TMEM74: variants seen among roughly 807,000 people sequenced by gnomAD.
The protein encoded by TMEM74 is transmembrane protein 74.
A neutral mutation model predicts 18.1 loss-of-function variants in TMEM74; 13 were observed. The ratio of observed to expected loss-of-function variants is 0.72; its 90% CI spans 0.47 to 1.14. TMEM74 has a LOEUF of 1.14. Among genes scored for constraint, TMEM74 ranks in the 50% most tolerant of loss-of-function variants. TMEM74 has a pLI of 0.00. For missense variants in TMEM74, 372 were observed against 375.9 expected, an observed-to-expected ratio of 0.99 and a Z score of 0.09; for synonymous variants, 159 against 146.6, an observed-to-expected ratio of 1.08 and a Z score of -0.61.
chr8:108,648,827 T>C (rs1297003674), intron 2 of TMEM74, among the ~76,000 whole-genome samples: 1 of 152,162 alleles, frequency 6.6e-6, no homozygotes, highest in Non-Finnish European at 1.5e-5. Flanking sequence ...CTGATCTTTA[T>C]TTAGAACCCT....
At chr8:108,691,952 T>C (rs1384013861) in intron 1 of TMEM74, among the ~76,000 whole-genome samples, 1 of 152,026 alleles carries the variant, frequency 6.6e-6, no homozygotes, top group African/African-American at 2.4e-5. Context: ...GTGGGAGAAA[T>C]AAGAGAGAGG....
intron 1 of TMEM74, among the ~76,000 whole-genome samples, chr8:108,750,641 A>C (rs1813896089): frequency 6.6e-6 from 1 of 152,098 alleles, no homozygotes; most frequent in Admixed American, 6.6e-5. Flanking sequence ...ATACACATTA[A>C]GAGACAAAAT....
rs914806410 is a variant in TMEM74 at position 108,690,298 on chromosome 8, TG to T, written n.120-34862del. On this transcript the variant is annotated intron_variant and non_coding_transcript_variant, in intron 1 of 3. Coordinates refer to the TMEM74 transcript ENST00000518838. ...CAGAATCCAGCTCACATTTTACATA[TG>T]GCTTTAAAAAATTTATCACTAAAGT... is the stretch of plus-strand genomic sequence containing the variant. 1.2e-4 allele frequency among the ~76,000 whole-genome samples: 19 copies of T among 152,176 alleles called. 1 individual carries two copies. The highest frequency in any genetic ancestry group is 4.6e-4 in the African/African-American group (19 of 41,460).
intron 2 of TMEM74, among the ~76,000 whole-genome samples, chr8:108,612,135 T>C (rs993532396): frequency 6.6e-5 from 10 of 152,100 alleles, no homozygotes; most frequent in Non-Finnish European, 1.0e-4. Flanking sequence ...TTGGGGATTA[T>C]GGGAGCTACA....
At chr8:108,693,508 T>A (rs1310293854) in intron 1 of TMEM74, among the ~76,000 whole-genome samples, 1 of 152,082 alleles carries the variant, frequency 6.6e-6, no homozygotes, top group Non-Finnish European at 1.5e-5. Flanking sequence ...AACGGATGAG[T>A]TCAGAAAATT....
At position 108,781,615 on chromosome 8, in the gene TMEM74, G is replaced by A. The variant is rs1312895548; in HGVS notation, c.*2566C>T. Among the ~76,000 whole-genome samples, 1 of 152,146 alleles carries A rather than the reference G, an allele frequency of 6.6e-6. No homozygotes were observed. The highest frequency in any genetic ancestry group is 2.4e-5 in the African/African-American group (1 of 41,424). Reference sequence around the variant, plus strand: ...TGTGTAATGGTTTGCCCTCAGATAAGTAGAACCTTAAAAGAGAGGTGCTCT... The same window carrying A: ...TGTGTAATGGTTTGCCCTCAGATAAATAGAACCTTAAAAGAGAGGTGCTCT... On this transcript the variant is annotated 3_prime_UTR_variant, in exon 2 of 2. Coordinates refer to ENST00000297459, the MANE Select transcript of TMEM74 (RefSeq NM_153015.3).
At chr8:108,648,231 A>G (rs1812740257) in intron 2 of TMEM74, among the ~76,000 whole-genome samples, 1 of 152,184 alleles carries the variant, frequency 6.6e-6, no homozygotes, top group African/African-American at 2.4e-5. Flanking sequence ...TCAAAAGGAC[A>G]TAAGCAAATG....
At chr8:108,747,750 T>A (rs1000111448) in intron 1 of TMEM74, among the ~76,000 whole-genome samples, 1 of 145,668 alleles carries the variant, frequency 6.9e-6, no homozygotes, top group African/African-American at 2.5e-5. Context: ...GTGTCTGTTG[T>A]TTCCCCCCTG....
At chr8:108,749,738 A>C (rs1341273828) in intron 1 of TMEM74, among the ~76,000 whole-genome samples, 2 of 152,084 alleles carry the variant, frequency 1.3e-5, no homozygotes, top group Non-Finnish European at 2.9e-5. Context: ...GGTTTTCAAG[A>C]GGAATGAGAA....
chr8:108,700,085 G>A (rs1360501170), intron 1 of TMEM74, among the ~76,000 whole-genome samples: 6 of 151,152 alleles, frequency 4.0e-5, no homozygotes, highest in Non-Finnish European at 8.8e-5. Flanking sequence ...AGAAAACCAC[G>A]GTTTTAAAGT....
intron 2 of TMEM74, among the ~76,000 whole-genome samples, chr8:108,630,510 A>C (rs1236232797): frequency 6.6e-6 from 1 of 152,070 alleles, no homozygotes; most frequent in Non-Finnish European, 1.5e-5. Context: ...CTCCATCCCA[A>C]ATCAACAGAA....
intron 1 of TMEM74, among the ~76,000 whole-genome samples, chr8:108,705,134 C>T (rs1813384658): frequency 6.6e-6 from 1 of 152,190 alleles, no homozygotes; most frequent in African/African-American, 2.4e-5. Context: ...AAATTAGTCC[C>T]ACGGTTTGTA....
chr8:108,704,780 A>G (rs2130618259), intron 1 of TMEM74, among the ~76,000 whole-genome samples: 1 of 152,278 alleles, frequency 6.6e-6, no homozygotes, highest in East Asian at 1.9e-4. Context: ...AGACTGAAGG[A>G]GGGAGGGAGG....
chr8:108,717,277 T>A (rs923616559), intron 1 of TMEM74, among the ~76,000 whole-genome samples: 1 of 152,162 alleles, frequency 6.6e-6, no homozygotes, highest in East Asian at 1.9e-4. Context: ...TAAAATATTA[T>A]ATTCCCTCAA....
At chr8:108,705,766 C>A (rs1467034715) in intron 1 of TMEM74, among the ~76,000 whole-genome samples, 5 of 152,284 alleles carry the variant, frequency 3.3e-5, no homozygotes, top group South Asian at 2.1e-4. Flanking sequence ...TATACCAAAT[C>A]TAATGCTCCA....
At chr8:108,740,393 A>G (rs189963799) in intron 1 of TMEM74, among the ~76,000 whole-genome samples, 5 of 152,284 alleles carry the variant, frequency 3.3e-5, no homozygotes, top group East Asian at 1.9e-4. Flanking sequence ...GTCCCGTTCT[A>G]TGGTCAAAAG....
intron 1 of TMEM74, among the ~76,000 whole-genome samples, chr8:108,730,423 C>T (rs1410381583): frequency 6.6e-6 from 1 of 152,006 alleles, no homozygotes; most frequent in Non-Finnish European, 1.5e-5. Flanking sequence ...TGCCTCTCGT[C>T]GACACAATCA....
intron 1 of TMEM74, among the ~76,000 whole-genome samples, chr8:108,702,008 A>G (rs1472275744): frequency 6.6e-6 from 1 of 152,134 alleles, no homozygotes; most frequent in Non-Finnish European, 1.5e-5. Context: ...GCTTTACTAT[A>G]AAGGCACAGT....
intron 1 of TMEM74, among the ~76,000 whole-genome samples, chr8:108,762,659 T>A (rs1381497305): frequency 6.6e-6 from 1 of 152,124 alleles, no homozygotes; most frequent in Non-Finnish European, 1.5e-5. Flanking sequence ...CTCCCCATCT[T>A]TTTCCTTTCT....
Sources: allele counts gnomAD v4.1 joint callset (sites outside exome capture counted in the v4.1 genomes callset), GRCh38; gene constraint gnomAD v4.1.1; transcripts MANE v1.5; gene names NCBI Gene and HGNC (gene_info 2026-07-23, HGNC 2026-07-21).